The following STARD7 variants were observed in gnomAD, a reference collection of about 807,000 sequenced individuals.
STARD7 encodes StAR related lipid transfer domain containing 7, also known as stAR-related lipid transfer protein 7, mitochondrial.
Under a neutral mutation model 45.3 loss-of-function variants are expected in STARD7, and 30 were observed. The observed-to-expected ratio is 0.66, with a 90% CI of 0.50 to 0.90. STARD7 has a LOEUF of 0.90. STARD7 is among the 40% of genes least tolerant of loss of function. The pLI, the probability that STARD7 is intolerant of heterozygous loss-of-function variation, is 0.00. For missense variants in STARD7, 495 were observed against 491.3 expected, an observed-to-expected ratio of 1.01 and a Z score of -0.07; for synonymous variants, 199 against 183.0, an observed-to-expected ratio of 1.09 and a Z score of -0.70.
intron 2 of STARD7, 68 bp downstream of exon 2, chr2:96,195,273 T>C (rs948320226): frequency 1.5e-6 from 2 of 1,342,366 alleles, no homozygotes; most frequent in Middle Eastern, 2.5e-4. Context: ...TTTAGAGAAG[T>C]ATGAAGAACA....
At chr2:96,186,952 A>G in intron 7 of STARD7, 38 bp from the exon 8 acceptor site, 2 of 1,565,728 alleles carry the variant, frequency 1.3e-6, no homozygotes, top group Non-Finnish European at 1.7e-6. Context: ...CTGACATACA[A>G]ACCAACAGTA....
In STARD7 at chr2:96,208,436, C is replaced by T. The variant is rs972578515; in HGVS notation, c.-2G>A. ...GGCCAGCAGCCTCCGCGGGAGCATG[C>T]CGCCTCCCGCAGGGCCCGCCGCGAG... On this transcript the variant is annotated 5_prime_UTR_variant, in exon 1 of 8. Coordinates refer to ENST00000337288, the MANE Select transcript of STARD7 (RefSeq NM_020151.4). 1 of 1,369,762 alleles carries T rather than the reference C, an allele frequency of 7.3e-7. No individual in the cohort carries two copies. The highest frequency in any genetic ancestry group is 9.3e-7 in the Non-Finnish European group (1 of 1,072,234). The allele number at this position is 1,369,762 out of a possible 1,614,324, so 84.9% of individuals were successfully genotyped here. A position where few individuals can be genotyped will look rare whatever the true frequency, so the allele number is the denominator to read the frequency against.
chr2:96,193,450 T>C (rs1683157265), intron 3 of STARD7, 98 bp from the exon 4 acceptor site: 1 of 797,660 alleles, frequency 1.3e-6, no homozygotes, highest in Non-Finnish European at 2.2e-6. Context: ...AGAATCTTAT[T>C]ACAAGGAGAG....
chr2:96,202,348 T>C (rs190893071), intron 1 of STARD7, among the ~76,000 whole-genome samples: 209 of 152,336 alleles, frequency 1.4e-3, no homozygotes, highest in Non-Finnish European at 1.3e-3. Flanking sequence ...ACCTGTACCC[T>C]GGCCTTGTCA....
intron 1 of STARD7, among the ~76,000 whole-genome samples, chr2:96,207,146 T>C (rs1355089831): frequency 6.6e-6 from 1 of 152,248 alleles, no homozygotes; most frequent in Non-Finnish European, 1.5e-5. Context: ...GTGGCACAAA[T>C]AGCTGCCTGG....
At chr2:96,195,679 T>G (rs1558735340) in intron 1 of STARD7, 130 bp from the exon 2 acceptor site, 1 of 649,002 alleles carries the variant, frequency 1.5e-6, no homozygotes, top group Non-Finnish European at 2.7e-6. Context: ...GGACACAGTA[T>G]AGTCAATAAA....
At chr2:96,205,233 A>C (rs1172463822) in intron 1 of STARD7, among the ~76,000 whole-genome samples, 3 of 152,218 alleles carry the variant, frequency 2.0e-5, no homozygotes, top group African/African-American at 7.2e-5. Context: ...ATCACTTCTC[A>C]AATTTTCTTG....
intron 1 of STARD7, among the ~76,000 whole-genome samples, chr2:96,204,200 C>T (rs765284236): frequency 6.6e-6 from 1 of 152,012 alleles, no homozygotes; most frequent in African/African-American, 2.4e-5. Flanking sequence ...GCGGAGGCTG[C>T]GGTGAGGTGA....
At chr2:96,189,887 G>T (rs2104173155) in intron 6 of STARD7, among the ~76,000 whole-genome samples, 1 of 152,004 alleles carries the variant, frequency 6.6e-6, no homozygotes, top group African/African-American at 2.4e-5. Flanking sequence ...TACAGTACAG[G>T]GAAAGACAAA....
intron 7 of STARD7, 99 bp downstream of exon 7, chr2:96,187,118 A>AT: frequency 2.0e-6 from 2 of 987,084 alleles, no homozygotes; most frequent in Non-Finnish European, 3.0e-6. Context: ...AAAAAAAAAA[A>AT]GAAGAACCAG....
At chr2:96,207,268 A>T (rs916305650) in intron 1 of STARD7, among the ~76,000 whole-genome samples, 2 of 152,242 alleles carry the variant, frequency 1.3e-5, no homozygotes, top group Admixed American at 1.3e-4. Flanking sequence ...TGTGGAGGAA[A>T]TATCAAGAAT....
chr2:96,206,503 CT>C (rs1219681084), intron 1 of STARD7, among the ~76,000 whole-genome samples: 1 of 151,936 alleles, frequency 6.6e-6, no homozygotes, highest in Admixed American at 6.6e-5. Context: ...AATTTTTCAA[CT>C]TAAAAGTGGA....
chr2:96,207,497 C>T (rs1004451536), intron 1 of STARD7, among the ~76,000 whole-genome samples: 4 of 152,216 alleles, frequency 2.6e-5, no homozygotes, highest in Non-Finnish European at 5.9e-5. Flanking sequence ...ATCAATGGTA[C>T]TGGGCTTTTC....
intron 1 of STARD7, among the ~76,000 whole-genome samples, chr2:96,203,001 C>T (rs528922846): frequency 5.3e-5 from 8 of 152,216 alleles, no homozygotes; most frequent in African/African-American, 1.4e-4. Context: ...TGAAAAGGGA[C>T]GGAAATGTCT....
In STARD7 at chr2:96,202,087, C is replaced by T. The variant is rs545787699; in HGVS notation, c.290+6058G>A. On this transcript the variant is annotated intron_variant, in intron 1 of 7. Transcript: ENST00000337288. ...AGGGGAATATTTGTCATTTTGACTG[C>T]CTGAAATCCCTTTCTATTTGGAAAG... Among the ~76,000 whole-genome samples, 8 of 152,188 alleles carry T rather than the reference C, an allele frequency of 5.3e-5. No homozygotes were observed. In the East Asian group the frequency reaches 1.5e-3, roughly 29 times the overall value.
chr2:96,192,849 G>C (rs1434484774), intron 5 of STARD7, among the ~76,000 whole-genome samples: 2 of 152,128 alleles, frequency 1.3e-5, no homozygotes, highest in Non-Finnish European at 2.9e-5. Flanking sequence ...CACTTCTTTT[G>C]ATTACCAACA....
rs766817394 is a variant in STARD7, at chr2:96,186,776, C to T, written c.1067G>A (p.Arg356Gln). The change falls in exon 8 of 8, where the codon CGA (arginine) becomes CAA (glutamine). Residue 356 changes from arginine (R) to glutamine (Q), a missense_variant. Arg to Gln is a conservative substitution (Grantham distance 43, BLOSUM62 1). This residue lies in a region of STARD7 where 213 missense variants were observed against 271.2 expected (regional missense o/e 0.79). Coordinates refer to ENST00000337288, the MANE Select transcript of STARD7 (RefSeq NM_020151.4). The part of the protein sequence containing the change: ...EAKATSQSSE[R>Q]KNEGSCGPAR... ...AGGGCCACAGCTGCCCTCGTTCTTT[C>T]GCTCAGAGGACTGGCTGGTGGCCTT... 5 of 1,613,714 alleles carry T rather than the reference C, an allele frequency of 3.1e-6. No homozygotes were observed. Among genetic ancestry groups the T allele is most frequent in the Middle Eastern group, 1.7e-4 (1 of 6,016 alleles).
intron 1 of STARD7, among the ~76,000 whole-genome samples, chr2:96,198,862 A>T (rs1488337408): frequency 6.6e-6 from 1 of 152,204 alleles, no homozygotes; most frequent in Non-Finnish European, 1.5e-5. Flanking sequence ...TTTGTGTATG[A>T]TAATGAGGTA....
intron 1 of STARD7, among the ~76,000 whole-genome samples, chr2:96,197,990 T>C (rs1683251122): frequency 6.6e-6 from 1 of 152,186 alleles, no homozygotes; most frequent in South Asian, 2.1e-4. Flanking sequence ...TATTTTATTA[T>C]AGTGCTATTA....
Sources: allele counts gnomAD v4.1 joint callset (sites outside exome capture counted in the v4.1 genomes callset), GRCh38; gene constraint gnomAD v4.1.1; regional missense constraint gnomAD v4.1.1; transcripts MANE v1.5; gene names NCBI Gene and HGNC (gene_info 2026-07-23, HGNC 2026-07-21).